SLC24A4: variants seen among roughly 807,000 people sequenced by gnomAD.
SLC24A4 encodes sodium/potassium/calcium exchanger 4.
In SLC24A4, 53 loss-of-function variants were observed where a neutral mutation model predicts 79.0. That is an observed-to-expected ratio of 0.67 (90% CI 0.54 to 0.84). The LOEUF (loss-of-function observed/expected upper bound fraction) is 0.84. Ranked by LOEUF, SLC24A4 falls within the 40% of genes least tolerant of loss-of-function variation. SLC24A4 has a pLI of 0.00. For missense variants in SLC24A4, 731 were observed against 822.0 expected (o/e 0.89, Z 1.35); for synonymous variants, 323 against 323.8 (o/e 1.00, Z 0.03).
chr14:92,327,980 G>C (rs1244088932), intron 2 of SLC24A4, among the ~76,000 whole-genome samples: 1 of 152,230 alleles, frequency 6.6e-6, no homozygotes, highest in African/African-American at 2.4e-5. Context: ...AGTGCATTTT[G>C]ATGTATCTCA....
intron 2 of SLC24A4, among the ~76,000 whole-genome samples, chr14:92,433,598 A>G (rs866695326): frequency 6.6e-6 from 1 of 152,134 alleles, no homozygotes; most frequent in Non-Finnish European, 1.5e-5. Flanking sequence ...CCTTGTCAAC[A>G]CTTACTACTA....
chr14:92,378,313 G>T (rs1888636004), intron 2 of SLC24A4, among the ~76,000 whole-genome samples: 1 of 152,174 alleles, frequency 6.6e-6, no homozygotes, highest in South Asian at 2.1e-4. Flanking sequence ...GAATAGAATT[G>T]CTGGGTTGCG....
At position 92,449,159 on chromosome 14, in the gene SLC24A4, G is replaced by GGTAAT. The variant is rs768155424; in HGVS notation, c.825_829dup (p.Asp277ValfsTer20). 1.2e-6 allele frequency: 2 copies of GGTAAT among 1,614,088 alleles called. No individual in the cohort carries two copies. The highest frequency in any genetic ancestry group is 2.7e-5 in the African/African-American group (2 of 74,922). On this transcript the variant is annotated frameshift_variant, in exon 10 of 17. Transcript: ENST00000532405. LOFTEE classifies it high-confidence loss of function. Reference sequence around the variant, plus strand: ...CCCGGTCAACAGTGAGCTGGAGGCTGGTAATGATTTCTATGACGGTAGCTA... The same window carrying GGTAAT: ...CCCGGTCAACAGTGAGCTGGAGGCTGGTAATGTAATGATTTCTATGACGGTAGCTA...
At chr14:92,382,766 T>G (rs1244712571) in intron 2 of SLC24A4, among the ~76,000 whole-genome samples, 1 of 152,176 alleles carries the variant, frequency 6.6e-6, no homozygotes, top group Non-Finnish European at 1.5e-5. Flanking sequence ...AGAGAAATTC[T>G]TGGAGAAAAT....
At chr14:92,459,700 C>G (rs935161877) in intron 12 of SLC24A4, among the ~76,000 whole-genome samples, 1 of 152,192 alleles carries the variant, frequency 6.6e-6, no homozygotes, top group Non-Finnish European at 1.5e-5. Flanking sequence ...TCCTCCCTTT[C>G]CCCTGTGAGG....
intron 2 of SLC24A4, among the ~76,000 whole-genome samples, chr14:92,369,654 A>G (rs1043635308): frequency 6.6e-6 from 1 of 152,262 alleles, no homozygotes; most frequent in South Asian, 2.1e-4. Context: ...TAGTGTGACT[A>G]TAAGGTACAA....
intron 2 of SLC24A4, among the ~76,000 whole-genome samples, chr14:92,342,010 C>A (rs926625038): frequency 7.9e-5 from 12 of 152,106 alleles, no homozygotes; most frequent in African/African-American, 2.9e-4. Flanking sequence ...TTGGGTGACC[C>A]ATATGTGTAG....
intron 3 of SLC24A4, among the ~76,000 whole-genome samples, chr14:92,437,835 C>G (rs1402916880): frequency 6.6e-6 from 1 of 152,192 alleles, no homozygotes; most frequent in African/African-American, 2.4e-5. Flanking sequence ...TGCTTTCCTT[C>G]TTGGCTGTTA....
At chr14:92,351,291 A>G (rs1344651599) in intron 2 of SLC24A4, among the ~76,000 whole-genome samples, 2 of 151,312 alleles carry the variant, frequency 1.3e-5, no homozygotes, top group Non-Finnish European at 3.0e-5. Context: ...CGAAAACTCA[A>G]TAAATTATAG....
In SLC24A4 at chr14:92,482,853, G is replaced by A. The variant is rs746623712; in HGVS notation, c.1422+7G>A. The A allele has an allele frequency of 8.7e-6, 14 of 1,603,508 alleles. No individual in the cohort carries two copies. The highest frequency in any genetic ancestry group is 3.4e-5 in the Admixed American group (2 of 59,384). On this transcript the variant is annotated splice_region_variant and intron_variant, in intron 13 of 16. Transcript: ENST00000532405. ...CTACATCATGGTGTGGCTGGTGAGT[G>A]GGGGGAGCAGGGGGTGGACTGTGTG...
chr14:92,346,464 C>A (rs568757594), intron 2 of SLC24A4, among the ~76,000 whole-genome samples: 1 of 152,064 alleles, frequency 6.6e-6, no homozygotes, highest in Non-Finnish European at 1.5e-5. Context: ...AGAGAGTGAC[C>A]TGAGGTCAAG....
At position 92,382,347 on chromosome 14, in the gene SLC24A4, AAATCAGT is replaced by A. The variant is rs1406719638; in HGVS notation, c.242-51564_242-51558del. Among the ~76,000 whole-genome samples the A allele has an allele frequency of 2.0e-5, 3 of 152,194 alleles. No homozygotes were observed. In the East Asian group the frequency reaches 5.8e-4, roughly 29 times the overall value. On this transcript the variant is annotated intron_variant, in intron 2 of 16. Coordinates refer to ENST00000532405, the MANE Select transcript of SLC24A4 (RefSeq NM_153646.4). ...CACAACTTCCATCTCTGCCTTAGGC[AAATCAGT>A]TCACCTCTGTGAGCCTCAGTTTTCC...
intron 2 of SLC24A4, among the ~76,000 whole-genome samples, chr14:92,379,662 G>A (rs1285382469): frequency 6.6e-6 from 1 of 152,126 alleles, no homozygotes; most frequent in African/African-American, 2.4e-5. Context: ...TGACTTCCGG[G>A]ACACTGACTG....
intron 12 of SLC24A4, among the ~76,000 whole-genome samples, chr14:92,481,954 A>C (rs929920892): frequency 2.0e-5 from 3 of 152,158 alleles, no homozygotes; most frequent in Non-Finnish European, 2.9e-5. Context: ...CTTTTCCTCC[A>C]TTGAATTGTT....
chr14:92,390,455 T>G (rs913141833), intron 2 of SLC24A4, among the ~76,000 whole-genome samples: 1 of 152,192 alleles, frequency 6.6e-6, no homozygotes, highest in Non-Finnish European at 1.5e-5. Context: ...CCTCCCCTAG[T>G]TAAAGCATGG....
In SLC24A4 at chr14:92,441,356, C is replaced by T. The variant is rs1340606622; in HGVS notation, c.394-733C>T. Among the ~76,000 whole-genome samples, 1 of 152,196 alleles carries T rather than the reference C, an allele frequency of 6.6e-6. No individual in the cohort carries two copies. Among genetic ancestry groups the T allele is most frequent in the Non-Finnish European group, 1.5e-5 (1 of 68,036 alleles). ...GATGGGCTCTGTGGCCAGACATGAC[C>T]CGGACAGGCAGAACAGGCCCCAACC... On this transcript the variant is annotated intron_variant, in intron 4 of 16. Coordinates refer to ENST00000532405, the MANE Select transcript of SLC24A4 (RefSeq NM_153646.4). The surrounding 1 kb of genome is among the most constrained non-coding windows in gnomAD (Gnocchi z 4.6).
At chr14:92,368,978 A>G (rs1888004887) in intron 2 of SLC24A4, among the ~76,000 whole-genome samples, 1 of 152,120 alleles carries the variant, frequency 6.6e-6, no homozygotes. Flanking sequence ...ACCCATATAC[A>G]AGGAGACCAG....
intron 12 of SLC24A4, among the ~76,000 whole-genome samples, chr14:92,468,094 A>G (rs1894222060): frequency 6.6e-6 from 1 of 152,216 alleles, no homozygotes; most frequent in South Asian, 2.1e-4. Context: ...AGATCAATAT[A>G]TACAATTCAG....
At chr14:92,351,494 C>A (rs1456923599) in intron 2 of SLC24A4, among the ~76,000 whole-genome samples, 5 of 152,208 alleles carry the variant, frequency 3.3e-5, no homozygotes, top group Non-Finnish European at 5.9e-5. Flanking sequence ...AAACTTTCTT[C>A]TGCCTCCACT....
Sources: allele counts gnomAD v4.1 joint callset (sites outside exome capture counted in the v4.1 genomes callset), GRCh38; gene constraint gnomAD v4.1.1; non-coding constraint Gnocchi (gnomAD v3.1); transcripts MANE v1.5; gene names NCBI Gene and HGNC (gene_info 2026-07-23, HGNC 2026-07-21).